The following FILIP1 variants were observed in gnomAD, a reference collection of about 807,000 sequenced individuals.
FILIP1 encodes filamin A interacting protein 1.
FILIP1 carries 61 observed loss-of-function variants against 102.1 expected under a neutral mutation model. That is an observed-to-expected ratio of 0.60 (90% CI 0.49 to 0.74). FILIP1 has a LOEUF of 0.74. Ranked by LOEUF, FILIP1 falls within the 30% of genes least tolerant of loss-of-function variation. The pLI, the probability that FILIP1 is intolerant of heterozygous loss-of-function variation, is 0.00. For synonymous variants in FILIP1, 491 were observed against 526.9 expected, an observed-to-expected ratio of 0.93 and a Z score of 0.93; for missense variants, 1,314 against 1,441.2, an observed-to-expected ratio of 0.91 and a Z score of 1.43.
At chr6:75,451,902 C>T (rs1391197201) in intron 1 of FILIP1, among the ~76,000 whole-genome samples, 2 of 152,128 alleles carry the variant, frequency 1.3e-5, no homozygotes, top group African/African-American at 2.4e-5. Flanking sequence ...TAAGCACTCT[C>T]ATACACAACT....
exon 7 of FILIP1, chr6:75,295,830 C>G (rs1772652137): frequency 2.2e-6 from 2 of 915,194 alleles, no homozygotes; most frequent in Non-Finnish European, 1.5e-6. Flanking sequence ...CATGGAGGAC[C>G]TTAGTCATGA....
At chr6:75,455,299 T>C (rs1470898553) in intron 1 of FILIP1, 1 of 151,920 alleles carries the variant, frequency 6.6e-6, no homozygotes, top group East Asian at 1.9e-4. Flanking sequence ...ACTCCATCTT[T>C]GCCCATAAGG....
At chr6:75,335,209 TC>T (rs1774202716) in intron 4 of FILIP1, among the ~76,000 whole-genome samples, 3 of 152,156 alleles carry the variant, frequency 2.0e-5, no homozygotes, top group African/African-American at 7.2e-5. Flanking sequence ...GTACATGGTA[TC>T]TAAATGAAAA....
intron 2 of FILIP1, among the ~76,000 whole-genome samples, chr6:75,407,373 C>T (rs931090283): frequency 2.6e-5 from 4 of 151,994 alleles, no homozygotes; most frequent in African/African-American, 9.7e-5. Context: ...CTACAGGCAC[C>T]TGCCACCACA....
At chr6:75,373,576 G>C (rs1259061535) in intron 2 of FILIP1, among the ~76,000 whole-genome samples, 5 of 151,048 alleles carry the variant, frequency 3.3e-5, no homozygotes, top group African/African-American at 1.2e-4. Context: ...AAGTGCTAGG[G>C]TTACAGGCGT....
intron 1 of FILIP1, among the ~76,000 whole-genome samples, chr6:75,422,754 G>A (rs933695087): frequency 6.6e-6 from 1 of 152,128 alleles, no homozygotes; most frequent in Non-Finnish European, 1.5e-5. Flanking sequence ...TGCAGTTTTT[G>A]CATTGTTGAA....
chr6:75,417,299 A>C (rs1777301422), intron 1 of FILIP1, among the ~76,000 whole-genome samples: 1 of 152,168 alleles, frequency 6.6e-6, no homozygotes, highest in South Asian at 2.1e-4. Context: ...CAGTTAGATA[A>C]ATGAGGTCTT....
At chr6:75,486,431 T>TTAGCC (rs1431357911) in intron 1 of FILIP1, among the ~76,000 whole-genome samples, 9 of 151,852 alleles carry the variant, frequency 5.9e-5, no homozygotes, top group Non-Finnish European at 8.8e-5. Flanking sequence ...AGAGCCTCTG[T>TTAGCC]TAGCCTTCTG....
intron 1 of FILIP1, among the ~76,000 whole-genome samples, chr6:75,434,541 T>C (rs562672957): frequency 1.3e-5 from 2 of 152,352 alleles, no homozygotes; most frequent in East Asian, 1.9e-4. Flanking sequence ...ACTGATTTTG[T>C]ATCCTGAGAC....
chr6:75,379,024 C>A (rs1775824011), intron 2 of FILIP1, among the ~76,000 whole-genome samples: 1 of 152,040 alleles, frequency 6.6e-6, no homozygotes, highest in African/African-American at 2.4e-5. Flanking sequence ...ATACATAATA[C>A]CTGAAAAAAT....
chr6:75,416,388 G>T (rs991031728), intron 1 of FILIP1, among the ~76,000 whole-genome samples: 2 of 151,914 alleles, frequency 1.3e-5, no homozygotes, highest in African/African-American at 2.4e-5. Flanking sequence ...TAAACCAAAG[G>T]AATATTTCTT....
Position 75,329,901 on chromosome 6 carries a change from T to C in FILIP1, c.630-14699A>G, listed in dbSNP as rs1208691331. On this transcript the variant is annotated intron_variant, in intron 4 of 5. Coordinates refer to ENST00000237172, the MANE Select transcript of FILIP1 (RefSeq NM_015687.5). ...CATGAGGTATCCATGACCTCAAGCA[T>C]ATCCTTTGTGTTACCAATGATCCAA... Among the ~76,000 whole-genome samples the C allele has an allele frequency of 3.3e-5, 5 of 152,196 alleles. No individual in the cohort carries two copies. The East Asian group carries it at 9.6e-4, about 29-fold the overall frequency.
intron 1 of FILIP1, among the ~76,000 whole-genome samples, chr6:75,419,466 T>C (rs536564477): frequency 4.6e-5 from 7 of 152,276 alleles, no homozygotes; most frequent in African/African-American, 1.7e-4. Context: ...AATAATTTTA[T>C]ATACTTAATT....
chr6:75,330,897 G>T (rs1049688326), intron 4 of FILIP1, among the ~76,000 whole-genome samples: 1 of 152,086 alleles, frequency 6.6e-6, no homozygotes, highest in African/African-American at 2.4e-5. Flanking sequence ...CTCTCTGTGG[G>T]TTAGCCCAAC....
At chr6:75,444,956 G>T (rs1778397504) in intron 1 of FILIP1, among the ~76,000 whole-genome samples, 1 of 152,082 alleles carries the variant, frequency 6.6e-6, no homozygotes, top group African/African-American at 2.4e-5. Flanking sequence ...TATCACCTCA[G>T]AACTTGTGAC....
intron 1 of FILIP1, among the ~76,000 whole-genome samples, chr6:75,469,308 A>T (rs1277356290): frequency 6.6e-6 from 1 of 152,092 alleles, no homozygotes. Context: ...TATTACTAGA[A>T]AATATATTTC....
intron 1 of FILIP1, among the ~76,000 whole-genome samples, chr6:75,455,630 C>T (rs1778804638): frequency 6.6e-6 from 1 of 152,132 alleles, no homozygotes; most frequent in African/African-American, 2.4e-5. Context: ...GATAACTGAA[C>T]CCAATCAACC....
intron 2 of FILIP1, among the ~76,000 whole-genome samples, chr6:75,396,700 G>A (rs1776472584): frequency 6.6e-6 from 1 of 152,076 alleles, no homozygotes; most frequent in Admixed American, 6.6e-5. Context: ...CCTGTGTCCT[G>A]TCTCACAGGC....
At chr6:75,441,658 G>T (rs900782242) in intron 1 of FILIP1, among the ~76,000 whole-genome samples, 1 of 147,956 alleles carries the variant, frequency 6.8e-6, no homozygotes, top group Non-Finnish European at 1.5e-5. Context: ...CCGGGCGGGG[G>T]GCTGACGCCC....
Sources: allele counts gnomAD v4.1 joint callset (sites outside exome capture counted in the v4.1 genomes callset), GRCh38; gene constraint gnomAD v4.1.1; transcripts MANE v1.5; gene names NCBI Gene and HGNC (gene_info 2026-07-23, HGNC 2026-07-21).